The following STAC variants were observed in gnomAD, a reference collection of about 807,000 sequenced individuals.
STAC encodes the protein SH3 and cysteine-rich domain-containing protein.
Under a neutral mutation model 48.8 loss-of-function variants are expected in STAC, and 43 were observed. The observed-to-expected ratio is 0.88, with a 90% CI of 0.69 to 1.14. The LOEUF (loss-of-function observed/expected upper bound fraction) is 1.14. Among genes scored for constraint, STAC ranks in the 50% most tolerant of loss-of-function variants. The pLI is 0.00. For missense variants in STAC, 497 were observed against 504.0 expected (o/e 0.99, Z 0.13); for synonymous variants, 193 against 179.5 (o/e 1.07, Z -0.60).
intron 8 of STAC, among the ~76,000 whole-genome samples, chr3:36,526,099 AC>A (rs1387658322): frequency 1.3e-5 from 2 of 152,226 alleles, no homozygotes; most frequent in African/African-American, 4.8e-5. Flanking sequence ...TGAATTGTGA[AC>A]AATGAAGATG....
At chr3:36,480,770 C>T (rs763889041) in intron 2 of STAC, among the ~76,000 whole-genome samples, 2 of 152,188 alleles carry the variant, frequency 1.3e-5, no homozygotes, top group African/African-American at 4.8e-5. Flanking sequence ...GATTAATCAA[C>T]TTCCACGAAT....
intron 1 of STAC, among the ~76,000 whole-genome samples, chr3:36,427,831 T>A (rs2125650164): frequency 6.6e-6 from 1 of 152,248 alleles, no homozygotes; most frequent in South Asian, 2.1e-4. Context: ...CTCCTAATAA[T>A]GATGTACCCA....
intron 2 of STAC, among the ~76,000 whole-genome samples, chr3:36,449,116 C>T (rs1696609346): frequency 6.6e-6 from 1 of 151,944 alleles, no homozygotes. Context: ...GAGACTTCAT[C>T]TCTTAAAAAA....
intron 6 of STAC, among the ~76,000 whole-genome samples, chr3:36,498,948 A>G (rs968830627): frequency 1.3e-5 from 2 of 152,244 alleles, no homozygotes; most frequent in Non-Finnish European, 1.5e-5. Flanking sequence ...GATTACCTAC[A>G]AAGAAATGAA....
At chr3:36,477,595 T>A (rs1488551925) in intron 2 of STAC, among the ~76,000 whole-genome samples, 2 of 152,222 alleles carry the variant, frequency 1.3e-5, no homozygotes. Context: ...TGTGCTCCAA[T>A]ATTTGGCTCT....
At chr3:36,533,242 C>T (rs2125736129) in intron 10 of STAC, among the ~76,000 whole-genome samples, 2 of 152,228 alleles carry the variant, frequency 1.3e-5, no homozygotes, top group South Asian at 4.2e-4. Context: ...ATTCTTGATT[C>T]CAGGCACAGG....
At chr3:36,471,422 C>T (rs971412950) in intron 2 of STAC, among the ~76,000 whole-genome samples, 4 of 152,158 alleles carry the variant, frequency 2.6e-5, no homozygotes, top group African/African-American at 7.2e-5. Context: ...CATGTCCTCA[C>T]ATTTCAAAAC....
chr3:36,518,966 G>T (rs557862132), intron 8 of STAC, among the ~76,000 whole-genome samples: 30 of 152,296 alleles, frequency 2.0e-4, no homozygotes, highest in African/African-American at 7.0e-4. Context: ...AGTGTGCAGG[G>T]CTGTGGGTGT....
intron 5 of STAC, among the ~76,000 whole-genome samples, chr3:36,488,069 G>T (rs1697863394): frequency 6.6e-6 from 1 of 152,156 alleles, no homozygotes; most frequent in Admixed American, 6.5e-5. Flanking sequence ...TCAATGAATG[G>T]AAATTGTTAC....
Position 36,380,730 on chromosome 3 carries a change from A to G in STAC, c.87A>G (p.Ala29=). The G allele has an allele frequency of 6.2e-7, 1 of 1,611,794 alleles. No homozygotes were observed. Among genetic ancestry groups the G allele is most frequent in the Non-Finnish European group, 8.5e-7 (1 of 1,178,898 alleles). The stretch of plus-strand genomic sequence containing the variant: ...GCGCCGAGCAACCGCCCTCTCCTGC[A>G]TCCACCAGCAGCCAGGAATCCAAGG... ...AVGAEQPPSP[A]STSSQESKLQ... The change falls in exon 1 of 11, where the codon GCA becomes GCG. Residue 29 remains alanine, a synonymous_variant. Transcript: ENST00000273183.
chr3:36,389,380 G>A (rs1421497715), intron 1 of STAC, among the ~76,000 whole-genome samples: 7 of 152,048 alleles, frequency 4.6e-5, no homozygotes, highest in Admixed American at 4.6e-4. Flanking sequence ...GTGCTCTGAG[G>A]CCTCTTTATA....
At chr3:36,431,896 C>T (rs1700713985) in intron 1 of STAC, among the ~76,000 whole-genome samples, 1 of 152,036 alleles carries the variant, frequency 6.6e-6, no homozygotes, top group Non-Finnish European at 1.5e-5. Flanking sequence ...TCTCAGTATT[C>T]AGTAGAAAAA....
chr3:36,476,852 T>C lies in STAC; in HGVS notation c.389-6140T>C, dbSNP rs1037349411. Among the ~76,000 whole-genome samples the C allele has an allele frequency of 2.0e-5, 3 of 152,184 alleles. No homozygotes were observed. In the South Asian group the frequency reaches 6.2e-4, roughly 31 times the overall value. On this transcript the variant is annotated intron_variant, in intron 2 of 10. Coordinates refer to ENST00000273183, the MANE Select transcript of STAC (RefSeq NM_003149.3). ...GCTTTAAGACCCTTCTGTGACATGATCATTTGACCTTCTCTGGGCTCTGCA... is the reference window on the plus strand; with the variant it reads ...GCTTTAAGACCCTTCTGTGACATGACCATTTGACCTTCTCTGGGCTCTGCA...
intron 5 of STAC, among the ~76,000 whole-genome samples, chr3:36,489,633 A>G (rs1697912686): frequency 6.6e-6 from 1 of 152,198 alleles, no homozygotes; most frequent in Non-Finnish European, 1.5e-5. Context: ...CTTAAATGCA[A>G]GGATTCTTTT....
chr3:36,424,410 T>G (rs543232916), intron 1 of STAC, among the ~76,000 whole-genome samples: 1 of 152,302 alleles, frequency 6.6e-6, no homozygotes, highest in Non-Finnish European at 1.5e-5. Context: ...TTTTAATATT[T>G]CTACAGATAG....
intron 10 of STAC, among the ~76,000 whole-genome samples, 171 bp from the exon 11 acceptor site, chr3:36,546,020 A>AT (rs1699435278): frequency 2.7e-5 from 4 of 150,206 alleles, no homozygotes; most frequent in African/African-American, 7.2e-5. Flanking sequence ...TTTTTGCCTA[A>AT]TTTTTTATCA....
At position 36,526,685 on chromosome 3, in the gene STAC, G is replaced by GAACTC. The variant is rs1479925557; in HGVS notation, c.921-2011_921-2010insAACTC. On this transcript the variant is annotated intron_variant, in intron 8 of 10. Coordinates refer to ENST00000273183, the MANE Select transcript of STAC (RefSeq NM_003149.3). ...CATTACTACTTATAATGAACAATTG[G>GAACTC]CAGCAATGATGTTGAACTCCAGAAT... 5.5e-4 allele frequency among the ~76,000 whole-genome samples: 83 copies of GAACTC among 152,198 alleles called. No individual in the cohort carries two copies. The East Asian group carries it at 0.014, about 26-fold the overall frequency.
chr3:36,512,071 G>GA (rs369367066), intron 8 of STAC, among the ~76,000 whole-genome samples: 1 of 152,268 alleles, frequency 6.6e-6, no homozygotes, highest in African/African-American at 2.4e-5. Flanking sequence ...GGTCTTTCCA[G>GA]AAAAAAGTTT....
chr3:36,425,794 C>T (rs778146487), intron 1 of STAC, among the ~76,000 whole-genome samples: 3 of 152,084 alleles, frequency 2.0e-5, no homozygotes, highest in South Asian at 4.2e-4. Flanking sequence ...GGGAGGCCAA[C>T]GCAGGGGGGA....
Sources: allele counts gnomAD v4.1 joint callset (sites outside exome capture counted in the v4.1 genomes callset), GRCh38; gene constraint gnomAD v4.1.1; transcripts MANE v1.5; gene names NCBI Gene and HGNC (gene_info 2026-07-23, HGNC 2026-07-21).